Variants in LTV1 observed in about 807,000 individuals in gnomAD.
LTV1 encodes the protein LTV1 ribosome biogenesis factor, also known as protein LTV1 homolog.
LTV1 carries 39 observed loss-of-function variants against 59.9 expected under a neutral mutation model. The ratio of observed to expected loss-of-function variants is 0.65; its 90% CI spans 0.50 to 0.85. The LOEUF (loss-of-function observed/expected upper bound fraction) is 0.85. Ranked by LOEUF, LTV1 falls within the 40% of genes least tolerant of loss-of-function variation. The pLI is 0.00. For synonymous variants in LTV1, 171 were observed against 189.5 expected (o/e 0.90, Z 0.80); for missense variants, 493 against 549.1 (o/e 0.90, Z 1.02).
At chr6:143,850,298 C>T in intron 4 of LTV1, 80 bp downstream of exon 4, 2 of 1,061,274 alleles carry the variant, frequency 1.9e-6, no homozygotes, top group Non-Finnish European at 2.9e-6. Flanking sequence ...ATTTTTCTAT[C>T]CCCAGTAAAG....
chr6:143,854,036 C>T (rs1381645992), intron 4 of LTV1, among the ~76,000 whole-genome samples: 1 of 152,302 alleles, frequency 6.6e-6, no homozygotes, highest in African/African-American at 2.4e-5. Flanking sequence ...GTATCAGCTC[C>T]TCTCTGTACC....
In LTV1 at chr6:143,847,561, G is replaced by A. The variant is rs191377360; in HGVS notation, c.309+1337G>A. On this transcript the variant is annotated intron_variant, in intron 3 of 10. Transcript: ENST00000367576. ...TTTTTAGTAGAGCCGGGGTTTCTCC[G>A]TGTTGGTCAGGCTGGTCTTGAACTC... Among the ~76,000 whole-genome samples, 266 of 152,290 alleles carry A rather than the reference G, an allele frequency of 1.7e-3. 1 individual carries two copies. The highest frequency in any genetic ancestry group is 6.2e-3 in the African/African-American group (259 of 41,572).
intron 6 of LTV1, 166 bp downstream of exon 6, chr6:143,858,173 AG>A: frequency 1.5e-6 from 1 of 668,988 alleles, no homozygotes. Flanking sequence ...ATAAAGCAGA[AG>A]GGTATCAGTG....
At chr6:143,854,545 C>T (rs1339368891) in intron 4 of LTV1, among the ~76,000 whole-genome samples, 6 of 152,030 alleles carry the variant, frequency 3.9e-5, no homozygotes, top group African/African-American at 7.3e-5. Flanking sequence ...GTTAGGGTGT[C>T]GATTTTAGAT....
intron 1 of LTV1, 122 bp from the exon 2 acceptor site, chr6:143,844,364 A>C: frequency 2.0e-6 from 2 of 1,023,360 alleles, no homozygotes; most frequent in Non-Finnish European, 2.9e-6. Context: ...CCTGCCCTAG[A>C]AGTGTAGATT....
chr6:143,858,140 A>G, intron 6 of LTV1, 133 bp downstream of exon 6: 1 of 814,310 alleles, frequency 1.2e-6, no homozygotes. Context: ...ACAACTATCC[A>G]GCTATAGGTT....
At position 143,857,545 on chromosome 6, in the gene LTV1, G is replaced by C; in HGVS notation, c.539+101G>C. 3.4e-6 allele frequency: 4 copies of C among 1,181,630 alleles called. No homozygotes were observed. Among genetic ancestry groups the C allele is most frequent in the Non-Finnish European group, 4.9e-6 (4 of 818,792 alleles). 73.2% of individuals were successfully genotyped at this position (1,181,630 alleles called of 1,614,324 possible). ...TTACAGTTGGAAGAGACCTTCAAGA[G>C]CATTTAATCTGAGACTTCTGTATTT... On this transcript the variant is annotated intron_variant, in intron 5 of 10. Transcript: ENST00000367576. This position sits in a 1 kb window ranked among gnomAD's most constrained non-coding sequence, Gnocchi z 5.2.
Position 143,862,163 on chromosome 6 carries a change from TTGATGAGTC to T in LTV1, c.987_995del (p.Asp329_Ser331del). On this transcript the variant is annotated inframe_deletion, in exon 8 of 11. Transcript: ENST00000367576. This position sits in a 1 kb window ranked among gnomAD's most constrained non-coding sequence, Gnocchi z 4.2. Reference sequence around the variant, plus strand: ...GATCAAGACCTGCCAATGAATGAGCTTGATGAGTCTGAGGAGGAAGAAATGATTACTGTA... The same window carrying T: ...GATCAAGACCTGCCAATGAATGAGCTTGAGGAGGAAGAAATGATTACTGTA... 6.2e-7 allele frequency: 1 copy of T among 1,613,948 alleles called. No homozygotes were observed.
chr6:143,844,728 C>A, intron 2 of LTV1, 111 bp downstream of exon 2: 1 of 1,165,518 alleles, frequency 8.6e-7, no homozygotes, highest in Non-Finnish European at 1.2e-6. Context: ...TGGTCTCGAA[C>A]TCCTGGACTT....
Position 143,843,456 on chromosome 6 carries a change from G to C in LTV1, c.-22G>C. 6.2e-7 allele frequency: 1 copy of C among 1,613,166 alleles called. No homozygotes were observed. Among genetic ancestry groups the C allele is most frequent in the Non-Finnish European group, 8.5e-7 (1 of 1,179,958 alleles). On this transcript the variant is annotated 5_prime_UTR_variant, in exon 1 of 11. Coordinates refer to ENST00000367576, the MANE Select transcript of LTV1 (RefSeq NM_032860.5). ...GGTGTCATCGCCGCCCCTGTTGGGG[G>C]TGAGCGCCGCGCGGCTGCAGCATGG...
At chr6:143,852,196 T>A (rs1776994846) in intron 4 of LTV1, among the ~76,000 whole-genome samples, 1 of 152,234 alleles carries the variant, frequency 6.6e-6, no homozygotes, top group Admixed American at 6.5e-5. Flanking sequence ...AACAACAACA[T>A]AAAAGCGTTC....
At chr6:143,848,722 G>C (rs186425557) in intron 3 of LTV1, among the ~76,000 whole-genome samples, 6 of 152,194 alleles carry the variant, frequency 3.9e-5, no homozygotes, top group African/African-American at 4.8e-5. Flanking sequence ...AGATTGCAGC[G>C]TGTGAAGAAG....
intron 7 of LTV1, among the ~76,000 whole-genome samples, chr6:143,860,868 G>T (rs558604397): frequency 6.6e-6 from 1 of 151,924 alleles, no homozygotes; most frequent in Non-Finnish European, 1.5e-5. Flanking sequence ...CTGGAGAAGA[G>T]TCATGGTAGA....
intron 6 of LTV1, chr6:143,858,404 C>T: frequency 5.4e-6 from 1 of 185,426 alleles, no homozygotes; most frequent in Admixed American, 5.3e-5. Flanking sequence ...CTATTTGGCC[C>T]TTAAAACCCC....
At position 143,848,077 on chromosome 6, in the gene LTV1, CTCTAAAAACAGAGTAATT is replaced by C. The variant is rs1776922187; in HGVS notation, c.309+1857_309+1874del. Among the ~76,000 whole-genome samples, 5 of 152,152 alleles carry C rather than the reference CTCTAAAAACAGAGTAATT, an allele frequency of 3.3e-5. No individual in the cohort carries two copies. The South Asian group carries it at 1.0e-3, about 32-fold the overall frequency. On this transcript the variant is annotated intron_variant, in intron 3 of 10. Coordinates refer to ENST00000367576, the MANE Select transcript of LTV1 (RefSeq NM_032860.5). ...TGCAACCAATGAAAACACAGCACTC[CTCTAAAAACAGAGTAATT>C]TCTCTTTAAACTCTTAATCGTGTAT...
chr6:143,855,016 T>TC lies in LTV1; in HGVS notation c.398-2286dup, dbSNP rs1254289850. ...TGAAGATCCTTGTGAATTTTCTGTC[T>TC]CGTTGATCTGTCTAATATTGACAGT... On this transcript the variant is annotated intron_variant, in intron 4 of 10. Coordinates refer to ENST00000367576, the MANE Select transcript of LTV1 (RefSeq NM_032860.5). The surrounding 1 kb of genome is among the most constrained non-coding windows in gnomAD (Gnocchi z 4.6). 2.0e-5 allele frequency among the ~76,000 whole-genome samples: 3 copies of TC among 152,198 alleles called. No individual in the cohort carries two copies. Among genetic ancestry groups the TC allele is most frequent in the African/African-American group, 7.2e-5 (3 of 41,446 alleles).
In LTV1 at chr6:143,843,390, CG is replaced by C; in HGVS notation, c.-86del. On this transcript the variant is annotated 5_prime_UTR_variant, in exon 1 of 11. Coordinates refer to ENST00000367576, the MANE Select transcript of LTV1 (RefSeq NM_032860.5). ...GCACGTGTGGTGAGGCCTACAGAAG[CG>C]GCCTTCAGCTGGACCTTGGTCTCCC... is the stretch of plus-strand genomic sequence containing the variant. 1 of 1,525,640 alleles carries C rather than the reference CG, an allele frequency of 6.6e-7. No individual in the cohort carries two copies. Among genetic ancestry groups the C allele is most frequent in the South Asian group, 1.1e-5 (1 of 89,410 alleles). The allele number at this position is 1,525,640 out of a possible 1,614,324, so 94.5% of individuals were successfully genotyped here.
chr6:143,844,383 GTATCTT>G (rs1776853292), intron 1 of LTV1, 97 bp from the exon 2 acceptor site: 1 of 1,275,692 alleles, frequency 7.8e-7, no homozygotes, highest in Non-Finnish European at 1.1e-6. Flanking sequence ...TTTTTAAAAA[GTATCTT>G]TAACATGACT....
rs142530411 is a variant in LTV1, at chr6:143,857,197, C to T, written c.398-106C>T. 1,461 of 1,301,474 alleles carry T rather than the reference C, an allele frequency of 1.1e-3. 20 individuals are homozygous for T. In the African/African-American group the frequency reaches 0.019, roughly 17 times the overall value. The allele number at this position is 1,301,474 out of a possible 1,614,324, so 80.6% of individuals were successfully genotyped here. ...TAGTTCTTAATCGTTCTTTTATCCTCAATATATTAATAGACTCTTGCTATC... is the reference window on the plus strand; with the variant it reads ...TAGTTCTTAATCGTTCTTTTATCCTTAATATATTAATAGACTCTTGCTATC... On this transcript the variant is annotated intron_variant, in intron 4 of 10. Transcript: ENST00000367576. This position sits in a 1 kb window ranked among gnomAD's most constrained non-coding sequence, Gnocchi z 5.2.
Sources: allele counts gnomAD v4.1 joint callset (sites outside exome capture counted in the v4.1 genomes callset), GRCh38; gene constraint gnomAD v4.1.1; non-coding constraint Gnocchi (gnomAD v3.1); transcripts MANE v1.5; gene names NCBI Gene and HGNC (gene_info 2026-07-23, HGNC 2026-07-21).